Variants in RGS7 observed in about 807,000 individuals in gnomAD.
The protein encoded by RGS7 is regulator of G-protein signaling 7.
RGS7 carries 27 observed loss-of-function variants against 81.1 expected under a neutral mutation model. That is an observed-to-expected ratio of 0.33 (90% confidence interval 0.25 to 0.46). RGS7 has a LOEUF of 0.46. Ranked by LOEUF, RGS7 falls within the 20% of genes least tolerant of loss-of-function variation. RGS7 has a pLI of 1.00. For synonymous variants in RGS7, 208 were observed against 207.7 expected, an observed-to-expected ratio of 1.00 and a Z score of -0.01; for missense variants, 396 against 607.4, an observed-to-expected ratio of 0.65 and a Z score of 3.66.
chr1:241,159,686 T>G (rs1179970829), intron 2 of RGS7, among the ~76,000 whole-genome samples: 2 of 151,964 alleles, frequency 1.3e-5, no homozygotes, highest in Non-Finnish European at 2.9e-5. Context: ...GACATCAAAG[T>G]CAAACTGGAA....
chr1:240,841,849 C>A (rs1324451773), intron 9 of RGS7, among the ~76,000 whole-genome samples: 3 of 152,128 alleles, frequency 2.0e-5, no homozygotes, highest in South Asian at 4.1e-4. Context: ...TTGAATAAGT[C>A]ATTTATTTAA....
chr1:240,908,423 AAATG>A (rs1181297068), intron 6 of RGS7, among the ~76,000 whole-genome samples: 2 of 152,192 alleles, frequency 1.3e-5, no homozygotes, highest in East Asian at 3.8e-4. Flanking sequence ...AAGCCTACAC[AAATG>A]AATGAATGAA....
chr1:241,284,406 G>T (rs942381861), intron 2 of RGS7, among the ~76,000 whole-genome samples: 3 of 151,324 alleles, frequency 2.0e-5, no homozygotes, highest in South Asian at 2.1e-4. Context: ...TGGCAGGGGG[G>T]GTTGTTCTGG....
intron 2 of RGS7, among the ~76,000 whole-genome samples, chr1:241,242,366 C>T (rs1358790525): frequency 7.4e-6 from 1 of 134,328 alleles, no homozygotes. Context: ...TTTCTTTATC[C>T]ACTTGTTGAT....
intron 3 of RGS7, among the ~76,000 whole-genome samples, chr1:241,045,380 T>C (rs980504458): frequency 2.0e-5 from 3 of 152,204 alleles, no homozygotes; most frequent in African/African-American, 4.8e-5. Flanking sequence ...TTATTTATTT[T>C]TGAGACAGAG....
chr1:240,917,971 G>C (rs1379525064), intron 6 of RGS7, among the ~76,000 whole-genome samples: 1 of 152,114 alleles, frequency 6.6e-6, no homozygotes, highest in African/African-American at 2.4e-5. Context: ...ATTAATTTCA[G>C]ACAAAGACTC....
At chr1:240,794,386 A>G (rs1686638158) in intron 18 of RGS7, among the ~76,000 whole-genome samples, 1 of 152,178 alleles carries the variant, frequency 6.6e-6, no homozygotes, top group Non-Finnish European at 1.5e-5. Context: ...TGAATGAATG[A>G]TTTAGAAACT....
Position 240,868,155 on chromosome 1 carries a change from A to AAAGAAAGAAAGAAAGG in RGS7, c.609+431_609+432insCCTTTCTTTCTTTCTT, listed in dbSNP as rs1165591408. ...GAAAGAAAGAAAGAAAGAAAGAAAG[A>AAAGAAAGAAAGAAAGG]AAGGACGGAGGGAGGGAAGGACGAA... On this transcript the variant is annotated intron_variant, in intron 9 of 18. Coordinates refer to ENST00000440928, the MANE Select transcript of RGS7 (RefSeq NM_001364886.1). The surrounding 1 kb of genome is among the most constrained non-coding windows in gnomAD (Gnocchi z 5.1). 6.7e-6 allele frequency among the ~76,000 whole-genome samples: 1 copy of AAAGAAAGAAAGAAAGG among 148,886 alleles called. No individual in the cohort carries two copies. The highest frequency in any genetic ancestry group is 1.5e-5 in the Non-Finnish European group (1 of 67,330).
chr1:240,798,090 T>A (rs1185871600), intron 18 of RGS7, among the ~76,000 whole-genome samples: 1 of 152,196 alleles, frequency 6.6e-6, no homozygotes, highest in African/African-American at 2.4e-5. Context: ...ACCTCACTAT[T>A]TCCCCATTTT....
intron 10 of RGS7, among the ~76,000 whole-genome samples, chr1:240,818,625 G>T (rs1035427818): frequency 2.0e-5 from 3 of 152,166 alleles, no homozygotes; most frequent in African/African-American, 7.2e-5. Context: ...TATAGAACAA[G>T]AAATTCTGTC....
intron 9 of RGS7, among the ~76,000 whole-genome samples, chr1:240,837,697 A>G (rs771237922): frequency 1.3e-5 from 2 of 152,218 alleles, no homozygotes; most frequent in Non-Finnish European, 2.9e-5. Flanking sequence ...CCCAATGTAA[A>G]GGTAAGGTGC....
chr1:241,347,074 T>A (rs954622617), intron 2 of RGS7, among the ~76,000 whole-genome samples: 3 of 152,058 alleles, frequency 2.0e-5, no homozygotes, highest in South Asian at 2.1e-4. Context: ...GAGGAAAAAA[T>A]TTCTATGAAA....
At chr1:241,287,651 C>T (rs1254651566) in intron 2 of RGS7, among the ~76,000 whole-genome samples, 2 of 152,152 alleles carry the variant, frequency 1.3e-5, no homozygotes, top group Non-Finnish European at 2.9e-5. Flanking sequence ...CACAAGCTGT[C>T]CTGCCTCGTG....
At chr1:241,174,406 C>T (rs747829289) in intron 2 of RGS7, among the ~76,000 whole-genome samples, 1 of 152,160 alleles carries the variant, frequency 6.6e-6, no homozygotes, top group Non-Finnish European at 1.5e-5. Context: ...TGCTTCTGTT[C>T]CCAATACCAA....
chr1:241,320,099 A>G (rs2081124675), intron 2 of RGS7, among the ~76,000 whole-genome samples: 1 of 152,202 alleles, frequency 6.6e-6, no homozygotes, highest in South Asian at 2.1e-4. Context: ...TAAAGAAAAG[A>G]AAAAAAGTTT....
chr1:241,029,860 A>G (rs1279657353), intron 3 of RGS7, among the ~76,000 whole-genome samples: 1 of 152,138 alleles, frequency 6.6e-6, no homozygotes. Flanking sequence ...ATCTTATTTC[A>G]TTTCTCTTCT....
chr1:240,955,120 G>T (rs1200370540), intron 4 of RGS7, among the ~76,000 whole-genome samples: 2 of 152,072 alleles, frequency 1.3e-5, no homozygotes, highest in East Asian at 3.9e-4. Context: ...TCATGGACTG[G>T]AATGCTCAAT....
chr1:241,014,596 C>G (rs2059129554), intron 3 of RGS7, among the ~76,000 whole-genome samples: 1 of 152,172 alleles, frequency 6.6e-6, no homozygotes, highest in African/African-American at 2.4e-5. Context: ...CAACAGAAAT[C>G]ACTGGATCAG....
At chr1:241,266,267 C>T (rs984137956) in intron 2 of RGS7, among the ~76,000 whole-genome samples, 1 of 152,174 alleles carries the variant, frequency 6.6e-6, no homozygotes, top group Non-Finnish European at 1.5e-5. Context: ...AGGATTAACA[C>T]CAAATTTTCA....
Sources: allele counts gnomAD v4.1 joint callset (sites outside exome capture counted in the v4.1 genomes callset), GRCh38; gene constraint gnomAD v4.1.1; non-coding constraint Gnocchi (gnomAD v3.1); transcripts MANE v1.5; gene names NCBI Gene and HGNC (gene_info 2026-07-23, HGNC 2026-07-21).